The following SUPT3H variants were observed in gnomAD, a reference collection of about 807,000 sequenced individuals.
SUPT3H encodes SPT3 homolog, SAGA and STAGA complex component.
Under a neutral mutation model 44.3 loss-of-function variants are expected in SUPT3H, and 44 were observed. That is an observed-to-expected ratio of 0.99 (90% CI 0.78 to 1.28). The LOEUF (loss-of-function observed/expected upper bound fraction) is 1.28. Among genes scored for constraint, SUPT3H ranks in the 50% most tolerant of loss-of-function variants. The pLI, the probability that SUPT3H is intolerant of heterozygous loss-of-function variation, is 0.00. For synonymous variants in SUPT3H, 124 were observed against 125.6 expected (o/e 0.99, Z 0.09); for missense variants, 380 against 387.1 (o/e 0.98, Z 0.15).
intron 2 of SUPT3H, among the ~76,000 whole-genome samples, chr6:45,289,681 C>T (rs192365219): frequency 1.4e-4 from 22 of 152,132 alleles, no homozygotes; most frequent in Middle Eastern, 3.4e-3. Context: ...CTCTTCAGTT[C>T]CTCAAAAAGG....
At chr6:44,994,427 C>T (rs1036616548) in intron 6 of SUPT3H, among the ~76,000 whole-genome samples, 7 of 152,092 alleles carry the variant, frequency 4.6e-5, no homozygotes, top group African/African-American at 1.4e-4. Flanking sequence ...TTCACACTGC[C>T]GTAATGTTAA....
At chr6:45,278,299 A>G (rs531219161) in intron 2 of SUPT3H, among the ~76,000 whole-genome samples, 1 of 152,346 alleles carries the variant, frequency 6.6e-6, no homozygotes, top group East Asian at 1.9e-4. Flanking sequence ...TAATTTAAAA[A>G]AAAAGAAAAT....
chr6:45,143,008 A>C (rs1285021), intron 2 of SUPT3H, among the ~76,000 whole-genome samples: 40 of 151,648 alleles, frequency 2.6e-4, no homozygotes, highest in African/African-American at 8.5e-4. Context: ...CAAGAAAATA[A>C]CACAATTCTA....
intron 2 of SUPT3H, among the ~76,000 whole-genome samples, chr6:45,217,243 G>A (rs1166275056): frequency 6.6e-6 from 1 of 151,880 alleles, no homozygotes; most frequent in African/African-American, 2.4e-5. Flanking sequence ...TTGGGAGGCC[G>A]AGGCAGGTGA....
At chr6:45,299,377 T>C (rs577983282) in intron 2 of SUPT3H, among the ~76,000 whole-genome samples, 2 of 150,914 alleles carry the variant, frequency 1.3e-5, no homozygotes, top group African/African-American at 4.9e-5. Context: ...GATCTTAAAC[T>C]GATGACTATG....
At chr6:44,857,443 T>TA (rs760986115) in intron 10 of SUPT3H, among the ~76,000 whole-genome samples, 2 of 152,058 alleles carry the variant, frequency 1.3e-5, no homozygotes, top group East Asian at 1.9e-4. Context: ...TTTGCTCTAT[T>TA]AAAAAAAATC....
At chr6:45,120,554 A>G (rs527694619) in intron 2 of SUPT3H, among the ~76,000 whole-genome samples, 4 of 152,192 alleles carry the variant, frequency 2.6e-5, no homozygotes, top group Admixed American at 1.3e-4. Flanking sequence ...AGAAATGCAA[A>G]CCAATATATA....
intron 2 of SUPT3H, among the ~76,000 whole-genome samples, chr6:45,240,681 G>A (rs968918805): frequency 3.3e-5 from 5 of 152,172 alleles, no homozygotes; most frequent in African/African-American, 4.8e-5. Context: ...CTCAGTCTGC[G>A]TGCCATGGCC....
intron 10 of SUPT3H, among the ~76,000 whole-genome samples, chr6:44,920,003 C>T (rs1335986954): frequency 1.3e-5 from 2 of 152,118 alleles, no homozygotes; most frequent in Admixed American, 6.5e-5. Flanking sequence ...CTCAGCCTCC[C>T]GAGTAGCTGG....
At chr6:44,925,815 A>G (rs1047862807) in intron 10 of SUPT3H, among the ~76,000 whole-genome samples, 1 of 152,194 alleles carries the variant, frequency 6.6e-6, no homozygotes, top group Admixed American at 6.5e-5. Flanking sequence ...CTGAACAAGT[A>G]AATTCTAAGA....
intron 2 of SUPT3H, among the ~76,000 whole-genome samples, chr6:45,137,426 A>G (rs1192111856): frequency 3.9e-5 from 6 of 152,034 alleles, no homozygotes; most frequent in African/African-American, 1.4e-4. Context: ...GACATATTAT[A>G]AAAAGCAACA....
intron 9 of SUPT3H, among the ~76,000 whole-genome samples, chr6:44,933,423 A>G (rs865987553): frequency 4.4e-4 from 67 of 152,198 alleles, no homozygotes; most frequent in African/African-American, 1.5e-3. Flanking sequence ...AAGAAATTAT[A>G]GATGTGTATA....
At chr6:45,250,366 AAAAAAATAAAACAAT>A (rs201246188) in intron 2 of SUPT3H, among the ~76,000 whole-genome samples, 1,870 of 141,210 alleles carry the variant, frequency 0.013, 26 homozygotes, top group Middle Eastern at 0.044. Context: ...TTAAGGCAAT[AAAAAAATAAAACAAT>A]AAAAAATAAA....
intron 3 of SUPT3H, among the ~76,000 whole-genome samples, chr6:45,048,658 G>A (rs145264021): frequency 1.3e-5 from 2 of 152,116 alleles, no homozygotes; most frequent in Non-Finnish European, 1.5e-5. Context: ...TCCATCAGTG[G>A]GTAAACGGAT....
chr6:45,102,105 A>C (rs1039969158), intron 3 of SUPT3H, among the ~76,000 whole-genome samples: 4 of 152,202 alleles, frequency 2.6e-5, no homozygotes, highest in Non-Finnish European at 2.9e-5. Flanking sequence ...AGAACTGAAA[A>C]AAGAAAACAA....
At chr6:44,900,332 C>CGCTTTTCCAAA (rs1764774098) in intron 10 of SUPT3H, among the ~76,000 whole-genome samples, 2 of 152,206 alleles carry the variant, frequency 1.3e-5, no homozygotes, top group African/African-American at 4.8e-5. Context: ...CCTAATACTG[C>CGCTTTTCCAAA]GCTTTTCCAA....
chr6:45,147,418 C>A (rs1410240333), intron 2 of SUPT3H, among the ~76,000 whole-genome samples: 1 of 152,036 alleles, frequency 6.6e-6, no homozygotes, highest in Non-Finnish European at 1.5e-5. Context: ...CTAATACTAA[C>A]TGGACAACTA....
At chr6:45,246,696 C>T (rs1466872106) in intron 2 of SUPT3H, among the ~76,000 whole-genome samples, 1 of 152,082 alleles carries the variant, frequency 6.6e-6, no homozygotes, top group Non-Finnish European at 1.5e-5. Context: ...TGAAATCCCC[C>T]AAGTAATCAG....
At chr6:45,029,490 T>C (rs1786592313) in intron 3 of SUPT3H, among the ~76,000 whole-genome samples, 1 of 151,876 alleles carries the variant, frequency 6.6e-6, no homozygotes, top group African/African-American at 2.4e-5. Context: ...ATTTACTGTA[T>C]GAAGATAGCA....
Sources: gnomAD v4.1 joint callset for allele counts (sites outside exome capture counted in the v4.1 genomes callset) on GRCh38, gnomAD v4.1.1 for gene constraint, MANE v1.5 for transcripts, NCBI Gene and HGNC (gene_info 2026-07-23, HGNC 2026-07-21) for gene names.